CALN1: variants seen among roughly 807,000 people sequenced by gnomAD.
The protein encoded by CALN1 is calneuron 1.
Under a neutral mutation model 30.6 loss-of-function variants are expected in CALN1, and 17 were observed. The observed-to-expected ratio is 0.56, with a 90% confidence interval of 0.38 to 0.83. CALN1 has a LOEUF of 0.83. Among genes scored for constraint, CALN1 ranks in the 40% least tolerant of loss-of-function variants. CALN1 has a pLI of 0.00. For synonymous variants in CALN1, 156 were observed against 131.4 expected, an observed-to-expected ratio of 1.19 and a Z score of -1.28; for missense variants, 291 against 354.9, an observed-to-expected ratio of 0.82 and a Z score of 1.45.
chr7:72,397,513 G>A (rs768944808), intron 2 of CALN1, among the ~76,000 whole-genome samples: 2 of 152,270 alleles, frequency 1.3e-5, no homozygotes, highest in Middle Eastern at 6.8e-3. Flanking sequence ...AGCTGCTAGG[G>A]AATTCCAGGA....
At chr7:71,899,089 A>C (rs1380561515) in intron 5 of CALN1, among the ~76,000 whole-genome samples, 1 of 151,978 alleles carries the variant, frequency 6.6e-6, no homozygotes, top group Admixed American at 6.6e-5. Context: ...CATTCACCAC[A>C]AATACACAAC....
At chr7:72,271,154 G>C (rs1796946610) in intron 3 of CALN1, among the ~76,000 whole-genome samples, 1 of 152,074 alleles carries the variant, frequency 6.6e-6, no homozygotes, top group Non-Finnish European at 1.5e-5. Context: ...ATCCATTTTG[G>C]CTTTAGATAT....
intron 5 of CALN1, among the ~76,000 whole-genome samples, chr7:71,810,956 C>T (rs1354454820): frequency 4.0e-5 from 6 of 148,854 alleles, no homozygotes; most frequent in Non-Finnish European, 5.9e-5. Context: ...AGTGCAGCGG[C>T]GAGATCTCGG....
At chr7:72,107,007 A>G (rs1414272819) in intron 3 of CALN1, among the ~76,000 whole-genome samples, 2 of 149,480 alleles carry the variant, frequency 1.3e-5, no homozygotes, top group Admixed American at 6.6e-5. Flanking sequence ...AGAAAAATAG[A>G]AAGAAAGAAA....
At chr7:71,848,487 C>T (rs987572584) in intron 5 of CALN1, among the ~76,000 whole-genome samples, 27 of 152,006 alleles carry the variant, frequency 1.8e-4, no homozygotes, top group East Asian at 3.8e-4. Context: ...AATAAAACCC[C>T]GTAGAATATT....
At chr7:72,180,612 T>C (rs1318178477) in intron 3 of CALN1, among the ~76,000 whole-genome samples, 8 of 148,470 alleles carry the variant, frequency 5.4e-5, no homozygotes, top group African/African-American at 1.5e-4. Context: ...TTTTTCTTTT[T>C]TTTTTTTTTT....
In CALN1 at chr7:71,889,837, C is replaced by A. The variant is rs529327439; in HGVS notation, c.502-79345G>T. On this transcript the variant is annotated intron_variant, in intron 5 of 6. Transcript: ENST00000395275. ...ATATGTGGTGGCACACGCCTGTAATCCTAGCTCTGTAATCCTACTCTGGAG... is the reference window on the plus strand; with the variant it reads ...ATATGTGGTGGCACACGCCTGTAATACTAGCTCTGTAATCCTACTCTGGAG... Among the ~76,000 whole-genome samples the A allele has an allele frequency of 3.9e-5, 6 of 152,178 alleles. No homozygotes were observed. In the East Asian group the frequency reaches 1.2e-3, roughly 29 times the overall value.
intron 5 of CALN1, among the ~76,000 whole-genome samples, chr7:71,988,292 G>T (rs775147376): frequency 1.2e-4 from 19 of 152,192 alleles, no homozygotes; most frequent in Non-Finnish European, 2.2e-4. Flanking sequence ...TCCACAGCTT[G>T]TAAGGGGCAT....
intron 2 of CALN1, among the ~76,000 whole-genome samples, chr7:72,292,854 T>C (rs1211239750): frequency 6.8e-6 from 1 of 147,790 alleles, no homozygotes; most frequent in Admixed American, 6.8e-5. Flanking sequence ...CATATGACTT[T>C]TGGAGAAACA....
chr7:72,489,090 TC>T, the CALN1 span, among the ~76,000 whole-genome samples: 1 of 152,112 alleles, frequency 6.6e-6, no homozygotes, highest in Non-Finnish European at 1.5e-5. Flanking sequence ...TGTGAGTCCA[TC>T]CGCCAACCCT....
intron 5 of CALN1, among the ~76,000 whole-genome samples, chr7:72,006,341 T>C (rs1287033785): frequency 3.9e-5 from 6 of 152,170 alleles, no homozygotes; most frequent in Admixed American, 6.5e-5. Flanking sequence ...TATTGTTCCA[T>C]TTAATTTAGG....
intron 3 of CALN1, among the ~76,000 whole-genome samples, chr7:72,147,521 A>G (rs534184215): frequency 2.7e-5 from 4 of 148,314 alleles, no homozygotes; most frequent in Admixed American, 2.7e-4. Context: ...TGGTTCAACC[A>G]TTGTGGAAGA....
chr7:72,437,608 C>T (rs1438527868), intron 1 of CALN1, among the ~76,000 whole-genome samples: 2 of 151,816 alleles, frequency 1.3e-5, no homozygotes, highest in African/African-American at 4.8e-5. Context: ...TTTCTCTCCT[C>T]TATATCTTTT....
chr7:72,299,879 T>C (rs766065689), intron 2 of CALN1, among the ~76,000 whole-genome samples: 28 of 151,492 alleles, frequency 1.8e-4, no homozygotes, highest in Non-Finnish European at 3.2e-4. Context: ...GTTTCAATTT[T>C]TGTTTTGTTT....
At chr7:72,260,884 G>A (rs1389170392) in intron 3 of CALN1, among the ~76,000 whole-genome samples, 1 of 152,130 alleles carries the variant, frequency 6.6e-6, no homozygotes, top group Non-Finnish European at 1.5e-5. Context: ...CATCCCTACG[G>A]TGCTTCTAGG....
intron 3 of CALN1, among the ~76,000 whole-genome samples, chr7:72,218,104 A>G (rs1228725782): frequency 6.6e-6 from 1 of 151,404 alleles, no homozygotes; most frequent in Non-Finnish European, 1.5e-5. Context: ...GGCCTCCCAA[A>G]GTGCTGGGAT....
intron 1 of CALN1, among the ~76,000 whole-genome samples, 177 bp downstream of exon 1, chr7:72,411,881 G>A (rs1271326418): frequency 1.3e-5 from 2 of 152,150 alleles, no homozygotes; most frequent in Admixed American, 6.5e-5. Context: ...AGTTGATGAA[G>A]CAACTCTCTT....
intron 4 of CALN1, among the ~76,000 whole-genome samples, chr7:72,025,028 T>C (rs1354740429): frequency 6.6e-6 from 1 of 152,096 alleles, no homozygotes; most frequent in African/African-American, 2.4e-5. Context: ...CCATGTATCC[T>C]GGCCAGGTGC....
chr7:72,380,959 T>G (rs542141462), intron 2 of CALN1, among the ~76,000 whole-genome samples: 1 of 152,194 alleles, frequency 6.6e-6, no homozygotes, highest in African/African-American at 2.4e-5. Flanking sequence ...GAGCACAGCA[T>G]AGTGACAGGG....
Sources: allele counts gnomAD v4.1 joint callset (sites outside exome capture counted in the v4.1 genomes callset), GRCh38; gene constraint gnomAD v4.1.1; transcripts MANE v1.5; gene names NCBI Gene and HGNC (gene_info 2026-07-23, HGNC 2026-07-21).